The following TRPS1 variants were observed in gnomAD, a reference collection of about 807,000 sequenced individuals.
The protein encoded by TRPS1 is transcriptional repressor GATA binding 1.
A neutral mutation model predicts 101.2 loss-of-function variants in TRPS1; 6 were observed. The ratio of observed to expected loss-of-function variants is 0.06; its 90% CI spans 0.03 to 0.12. The LOEUF is 0.12. Ranked by LOEUF, TRPS1 falls within the 10% of genes least tolerant of loss-of-function variation. TRPS1 has a pLI of 1.00. For synonymous variants in TRPS1, 578 were observed against 589.8 expected (o/e 0.98, Z 0.29); for missense variants, 1,363 against 1,567.0 (o/e 0.87, Z 2.20).
chr8:115,512,667 T>C (rs1815614992), intron 5 of TRPS1, among the ~76,000 whole-genome samples: 1 of 151,612 alleles, frequency 6.6e-6, no homozygotes, highest in African/African-American at 2.4e-5. Flanking sequence ...TTTCTGTATT[T>C]GGCATTATCT....
At chr8:115,585,182 T>A (rs13271228) in intron 5 of TRPS1, among the ~76,000 whole-genome samples, 4 of 151,996 alleles carry the variant, frequency 2.6e-5, no homozygotes, top group African/African-American at 4.8e-5. Flanking sequence ...CTGAAAAGGC[T>A]GTTAAAATGA....
At chr8:115,511,682 T>G (rs1392267115) in intron 5 of TRPS1, among the ~76,000 whole-genome samples, 2 of 151,940 alleles carry the variant, frequency 1.3e-5, no homozygotes, top group Admixed American at 6.6e-5. Context: ...ACTGACCCTT[T>G]GGTTTATATG....
chr8:115,517,519 G>T (rs1238939606), intron 5 of TRPS1, among the ~76,000 whole-genome samples: 1 of 151,252 alleles, frequency 6.6e-6, no homozygotes, highest in East Asian at 1.9e-4. Context: ...GTTCTGCAGG[G>T]CTAATTAGTA....
At chr8:115,572,930 C>CAA (rs975290697) in intron 5 of TRPS1, among the ~76,000 whole-genome samples, 1 of 151,784 alleles carries the variant, frequency 6.6e-6, no homozygotes, top group Non-Finnish European at 1.5e-5. Context: ...GTCAGGAGTT[C>CAA]GAGACCAGCC....
At chr8:115,481,415 G>GC (rs753984824) in intron 5 of TRPS1, among the ~76,000 whole-genome samples, 2 of 150,320 alleles carry the variant, frequency 1.3e-5, no homozygotes, top group Non-Finnish European at 3.0e-5. Context: ...CCACTCTTCT[G>GC]CAACAAAACC....
chr8:115,476,003 T>G, intron 5 of TRPS1, among the ~76,000 whole-genome samples: 1 of 61,370 alleles, frequency 1.6e-5, no homozygotes, highest in South Asian at 5.8e-4. Context: ...AAAATATACT[T>G]TCTTTTTTTT....
chr8:115,637,885 C>T (rs1430582474), intron 1 of TRPS1, among the ~76,000 whole-genome samples: 1 of 152,158 alleles, frequency 6.6e-6, no homozygotes, highest in Non-Finnish European at 1.5e-5. Context: ...CCTGACTGTA[C>T]TTAGTGTTTT....
At chr8:115,422,996 G>C (rs1813104784) in intron 5 of TRPS1, among the ~76,000 whole-genome samples, 1 of 152,124 alleles carries the variant, frequency 6.6e-6, no homozygotes, top group South Asian at 2.1e-4. Flanking sequence ...TCTCCTCTCA[G>C]ACTGAGGGAA....
At chr8:115,536,486 G>A (rs1816324054) in intron 5 of TRPS1, among the ~76,000 whole-genome samples, 1 of 135,740 alleles carries the variant, frequency 7.4e-6, no homozygotes, top group African/African-American at 2.9e-5. Flanking sequence ...TTGCGCCACT[G>A]CACTGCAGCC....
At chr8:115,538,026 C>T (rs546977126) in intron 5 of TRPS1, among the ~76,000 whole-genome samples, 1 of 152,298 alleles carries the variant, frequency 6.6e-6, no homozygotes. Flanking sequence ...GAATTCTTTA[C>T]TTAACTTAGT....
intron 4 of TRPS1, among the ~76,000 whole-genome samples, chr8:115,601,069 C>T (rs1178547368): frequency 1.3e-5 from 2 of 152,122 alleles, no homozygotes; most frequent in Non-Finnish European, 2.9e-5. Flanking sequence ...GTTTTTCACT[C>T]AGAGCTCTAG....
At chr8:115,419,731 C>G (rs895470863) in intron 5 of TRPS1, among the ~76,000 whole-genome samples, 4 of 152,196 alleles carry the variant, frequency 2.6e-5, no homozygotes, top group African/African-American at 9.7e-5. Context: ...GCATTTGATT[C>G]ATCGGGTGTT....
In TRPS1 at chr8:115,615,692, C is replaced by T. The variant is rs1480039365; in HGVS notation, c.966+3440G>A. On this transcript the variant is annotated intron_variant, in intron 3 of 6. Coordinates refer to ENST00000395715, the MANE Select transcript of TRPS1 (RefSeq NM_014112.5). ...AGGAGAATAACTTGAACCTGGGAGG[C>T]GGAGGTTGCAGTGAGCTGAGACCAT... is the stretch of plus-strand genomic sequence containing the variant. Among the ~76,000 whole-genome samples, 3 of 152,064 alleles carry T rather than the reference C, an allele frequency of 2.0e-5. No homozygotes were observed. In the East Asian group the frequency reaches 5.8e-4, roughly 29 times the overall value.
intron 3 of TRPS1, among the ~76,000 whole-genome samples, chr8:115,607,424 G>GTT (rs1161396324): frequency 4.8e-4 from 67 of 139,876 alleles, no homozygotes; most frequent in Non-Finnish European, 7.8e-4. Context: ...GTCTAGATGT[G>GTT]TTTTTTTTTT....
At chr8:115,438,018 A>G (rs901736859) in intron 5 of TRPS1, among the ~76,000 whole-genome samples, 8 of 152,062 alleles carry the variant, frequency 5.3e-5, no homozygotes, top group African/African-American at 1.7e-4. Flanking sequence ...AAAACATGGC[A>G]TTTTTTTTCT....
At chr8:115,589,572 A>G (rs180870947) in intron 4 of TRPS1, among the ~76,000 whole-genome samples, 13 of 152,286 alleles carry the variant, frequency 8.5e-5, no homozygotes, top group African/African-American at 3.1e-4. Context: ...TAGTAAAGAA[A>G]TATACAACAA....
chr8:115,524,045 G>T (rs981213973), intron 5 of TRPS1, among the ~76,000 whole-genome samples: 4 of 151,934 alleles, frequency 2.6e-5, no homozygotes, highest in Non-Finnish European at 4.4e-5. Context: ...ATTGTTTTTT[G>T]GTCAAGCTTC....
intron 5 of TRPS1, among the ~76,000 whole-genome samples, chr8:115,537,455 A>ATATT (rs1367309072): frequency 2.0e-5 from 3 of 152,158 alleles, no homozygotes; most frequent in Non-Finnish European, 4.4e-5. Context: ...AAACTTAATA[A>ATATT]AGCTAAGAAA....
At chr8:115,537,589 T>C (rs543547129) in intron 5 of TRPS1, among the ~76,000 whole-genome samples, 142 of 152,302 alleles carry the variant, frequency 9.3e-4, no homozygotes, top group African/African-American at 3.3e-3. Context: ...CTTCTGATAA[T>C]GTTTTGGGGG....
Sources: gnomAD v4.1 joint callset for allele counts (sites outside exome capture counted in the v4.1 genomes callset) on GRCh38, gnomAD v4.1.1 for gene constraint, MANE v1.5 for transcripts, NCBI Gene and HGNC (gene_info 2026-07-23, HGNC 2026-07-21) for gene names.